The following KIAA1549 variants were observed in gnomAD, a reference collection of about 807,000 sequenced individuals.
KIAA1549 encodes UPF0606 protein KIAA1549.
KIAA1549 carries 70 observed loss-of-function variants against 156.4 expected under a neutral mutation model. That is an observed-to-expected ratio of 0.45 (90% CI 0.37 to 0.55). The LOEUF (loss-of-function observed/expected upper bound fraction) is 0.55, where lower values mean the gene tolerates loss of function less well. KIAA1549 is among the 20% of genes least tolerant of loss of function. The probability of loss-of-function intolerance (pLI) is 0.00; values close to 1 mark genes in which losing one functional copy is unlikely to be tolerated. For synonymous variants in KIAA1549, 1,103 were observed against 1,066.4 expected, an observed-to-expected ratio of 1.03 and a Z score of -0.67; for missense variants, 2,428 against 2,540.9, an observed-to-expected ratio of 0.96 and a Z score of 0.96.
chr7:138,870,893 G>C (rs965295697), intron 13 of KIAA1549, among the ~76,000 whole-genome samples: 5 of 152,118 alleles, frequency 3.3e-5, no homozygotes, highest in Non-Finnish European at 7.3e-5. Context: ...TCCCGGCTCA[G>C]TGCAAACTCC....
chr7:138,894,644 C>G, intron 9 of KIAA1549, 118 bp from the exon 10 acceptor site: 1 of 930,264 alleles, frequency 1.1e-6, no homozygotes, highest in Non-Finnish European at 1.6e-6. Context: ...ATAGCTGGTT[C>G]CAGGTTCTAA....
intron 1 of KIAA1549, among the ~76,000 whole-genome samples, chr7:138,969,108 T>C (rs1355020540): frequency 6.6e-6 from 1 of 152,282 alleles, no homozygotes; most frequent in East Asian, 1.9e-4. Context: ...GAGGCTCCAG[T>C]GTCTGTTGAC....
intron 11 of KIAA1549, among the ~76,000 whole-genome samples, chr7:138,880,561 A>G (rs1382583845): frequency 6.6e-6 from 1 of 152,184 alleles, no homozygotes; most frequent in South Asian, 2.1e-4. Flanking sequence ...ATGATCACAC[A>G]CTTTTTTTTG....
chr7:138,834,972 G>GAA lies in KIAA1549; in HGVS notation c.*2932_*2933dup, dbSNP rs767904035. On this transcript the variant is annotated 3_prime_UTR_variant, in exon 20 of 20. Coordinates refer to ENST00000422774, the MANE Select transcript of KIAA1549 (RefSeq NM_001164665.2). ...GTCAGTGAGTGACAAAGTAGTCTCTGAAAAAAAAAAAAACAACATTTCTCC... is the reference window on the plus strand; with the variant it reads ...GTCAGTGAGTGACAAAGTAGTCTCTGAAAAAAAAAAAAAAACAACATTTCTCC... 597 of 180,686 alleles carry GAA rather than the reference G, an allele frequency of 3.3e-3. 5 individuals are homozygous for GAA. The highest frequency in any genetic ancestry group is 0.011 in the African/African-American group (444 of 39,114). 11.2% of individuals were successfully genotyped at this position (180,686 alleles called of 1,614,324 possible). A position where few individuals can be genotyped will look rare whatever the true frequency, so the allele number is the denominator to read the frequency against.
chr7:138,831,409 C>T lies in KIAA1549; in HGVS notation c.*6497G>A, dbSNP rs563105086. 54 of 196,006 alleles carry T rather than the reference C, an allele frequency of 2.8e-4. No homozygotes were observed. The highest frequency in any genetic ancestry group is 4.7e-4 in the Non-Finnish European group (44 of 94,428). 12.1% of individuals were successfully genotyped at this position (196,006 alleles called of 1,614,324 possible). A position where few individuals can be genotyped will look rare whatever the true frequency, so the allele number is the denominator to read the frequency against. On this transcript the variant is annotated 3_prime_UTR_variant, in exon 20 of 20. Coordinates refer to ENST00000422774, the MANE Select transcript of KIAA1549 (RefSeq NM_001164665.2). The stretch of plus-strand genomic sequence containing the variant: ...GACACCAATTCATAGCATTTATTGA[C>T]ATTTCCATTTAAAATGCTAGGAAAG...
chr7:138,869,852 GTTTA>G (rs1810876425), intron 13 of KIAA1549, 91 bp from the exon 14 acceptor site: 5 of 906,624 alleles, frequency 5.5e-6, no homozygotes, highest in Admixed American at 2.7e-5. Context: ...TTATTTTTAT[GTTTA>G]TTTATTTATT....
chr7:138,931,953 T>A (rs1055934907), intron 1 of KIAA1549, among the ~76,000 whole-genome samples: 3 of 152,148 alleles, frequency 2.0e-5, no homozygotes, highest in Admixed American at 6.5e-5. Flanking sequence ...TTTAAGACCA[T>A]GTGTTCCTGG....
intron 10 of KIAA1549, among the ~76,000 whole-genome samples, chr7:138,887,566 G>C (rs1342640761): frequency 6.6e-6 from 1 of 152,138 alleles, no homozygotes; most frequent in Non-Finnish European, 1.5e-5. Context: ...CGGGCAGCAT[G>C]CTGGCTCCCC....
Position 138,837,293 on chromosome 7 carries a change from A to G in KIAA1549, c.*613T>C, listed in dbSNP as rs555635640. The G allele has an allele frequency of 3.5e-4, 81 of 228,402 alleles. No individual in the cohort carries two copies. The highest frequency in any genetic ancestry group is 2.6e-3 in the Middle Eastern group (2 of 756). The allele number at this position is 228,402 out of a possible 1,614,324, so 14.1% of individuals were successfully genotyped here. The stretch of plus-strand genomic sequence containing the variant: ...GCCCTTGGAGCTGTAGCACCAGAAG[A>G]AGGAGGAAGAATGCGGGTGATGGCT... On this transcript the variant is annotated 3_prime_UTR_variant, in exon 20 of 20. Transcript: ENST00000422774.
Position 138,869,528 on chromosome 7 carries a change from C to T in KIAA1549, c.4775+10G>A, listed in dbSNP as rs747715865. On this transcript the variant is annotated intron_variant, in intron 14 of 19. Transcript: ENST00000422774. ...CCCGCCCCACCGCCTAGCGCAGAGC[C>T]CCAGCCCACCTCTTCCTGGGCTCTA... 1.9e-6 allele frequency: 3 copies of T among 1,552,820 alleles called. No homozygotes were observed. In the African/African-American group the frequency reaches 4.1e-5, roughly 21 times the overall value.
intron 12 of KIAA1549, among the ~76,000 whole-genome samples, chr7:138,879,327 A>G (rs6958256): frequency 0.058 from 8,802 of 152,226 alleles, 833 homozygotes; most frequent in African/African-American, 0.2. Context: ...TATTAACCTT[A>G]AGACGTACCC....
intron 1 of KIAA1549, among the ~76,000 whole-genome samples, chr7:138,954,470 C>G (rs1005146552): frequency 1.2e-4 from 19 of 152,170 alleles, no homozygotes; most frequent in Non-Finnish European, 2.2e-4. Context: ...ATCTAACAAG[C>G]TGGCATCCTT....
At chr7:138,975,995 T>C (rs559180517) in intron 1 of KIAA1549, among the ~76,000 whole-genome samples, 19 of 152,330 alleles carry the variant, frequency 1.2e-4, no homozygotes, top group Non-Finnish European at 1.9e-4. Context: ...TGCAGTCCTC[T>C]GCACCCTTTC....
chr7:138,928,506 C>CA (rs1353806425), intron 1 of KIAA1549, among the ~76,000 whole-genome samples: 1 of 152,146 alleles, frequency 6.6e-6, no homozygotes, highest in African/African-American at 2.4e-5. Flanking sequence ...AGGCTGGTCT[C>CA]AAACTCCTGA....
intron 1 of KIAA1549, among the ~76,000 whole-genome samples, chr7:138,927,946 A>G (rs1812768618): frequency 6.8e-6 from 1 of 146,162 alleles, no homozygotes; most frequent in African/African-American, 2.6e-5. Flanking sequence ...TTTGAGACAG[A>G]GTCTTGCTCT....
chr7:138,959,821 T>G (rs2130554032), intron 1 of KIAA1549, among the ~76,000 whole-genome samples: 1 of 152,338 alleles, frequency 6.6e-6, no homozygotes, highest in South Asian at 2.1e-4. Context: ...AGAGAGCAAC[T>G]GTGCCTCTTA....
chr7:138,966,580 G>T (rs998715404), intron 1 of KIAA1549, among the ~76,000 whole-genome samples: 1 of 151,852 alleles, frequency 6.6e-6, no homozygotes, highest in African/African-American at 2.4e-5. Flanking sequence ...AGGCTGGGAG[G>T]CTAAGCCAGT....
At chr7:138,952,281 G>A (rs1487629335) in intron 1 of KIAA1549, among the ~76,000 whole-genome samples, 1 of 152,166 alleles carries the variant, frequency 6.6e-6, no homozygotes, top group African/African-American at 2.4e-5. Flanking sequence ...CCAGTTGTTC[G>A]TGTAATTATT....
At chr7:138,933,420 G>A (rs765182803) in intron 1 of KIAA1549, among the ~76,000 whole-genome samples, 2 of 152,224 alleles carry the variant, frequency 1.3e-5, no homozygotes, top group Non-Finnish European at 2.9e-5. Flanking sequence ...AGAAAAGACT[G>A]AGGAACTGAG....
Sources: allele counts gnomAD v4.1 joint callset (sites outside exome capture counted in the v4.1 genomes callset), GRCh38; gene constraint gnomAD v4.1.1; transcripts MANE v1.5; gene names NCBI Gene and HGNC (gene_info 2026-07-23, HGNC 2026-07-21).